Variants in ELF4 observed in about 807,000 individuals in gnomAD.
ELF4 encodes the protein ETS-related transcription factor Elf-4.
Under a neutral mutation model 31.7 loss-of-function variants are expected in ELF4, and 10 were observed. The ratio of observed to expected loss-of-function variants is 0.32; its 90% confidence interval spans 0.19 to 0.54. ELF4 has a LOEUF of 0.54. Among genes scored for constraint, ELF4 ranks in the 20% least tolerant of loss-of-function variants. The pLI is 0.95. For synonymous variants in ELF4, 208 were observed against 226.7 expected (o/e 0.92, Z 0.74); for missense variants, 418 against 522.0 (o/e 0.80, Z 1.94).
chrX:130,074,447 G>T, intron 3 of ELF4, 134 bp downstream of exon 3: 1 of 891,167 alleles, frequency 1.1e-6, no homozygotes, highest in Non-Finnish European at 1.6e-6. Context: ...CCTCCTCTGT[G>T]AAGCAGCACA....
intron 1 of ELF4, among the ~76,000 whole-genome samples, chrX:130,088,433 C>T (rs1444696215): frequency 1.8e-5 from 2 of 110,929 alleles, no homozygotes; most frequent in African/African-American, 3.3e-5. Flanking sequence ...AAGATATTGC[C>T]GGGTGCGGTG....
At chrX:130,067,555 A>T in intron 8 of ELF4, 30 bp from the exon 9 acceptor site, 1 of 1,189,920 alleles carries the variant, frequency 8.4e-7, no homozygotes, top group Non-Finnish European at 1.1e-6. Flanking sequence ...AGAGTTGGTT[A>T]AGGCAGGAAG....
At position 130,066,527 on chromosome X, in the gene ELF4, C is replaced by T; in HGVS notation, c.*194G>A. The T allele has an allele frequency of 2.1e-6, 1 of 476,588 alleles. No individual in the cohort carries two copies. The allele number at this position is 476,588 out of a possible 1,213,427, so 39.3% of individuals were successfully genotyped here. A position where few individuals can be genotyped will look rare whatever the true frequency, so the allele number is the denominator to read the frequency against. ...GCATATGCCCTAGTGCTCTTGAAGG[C>T]CATAGTCTGATGCCAGGGATGCTTA... On this transcript the variant is annotated 3_prime_UTR_variant, in exon 9 of 9. Transcript: ENST00000308167.
chrX:130,104,847 G>C (rs1933347206), intron 1 of ELF4, among the ~76,000 whole-genome samples: 1 of 111,947 alleles, frequency 8.9e-6, no homozygotes, highest in Admixed American at 9.5e-5. Flanking sequence ...ACTGGGCCAA[G>C]AAAATGACCC....
rs148727842 is a variant in ELF4 at position 130,105,975 on chromosome X, G to A, written c.-210+4350C>T. ...GCTGGCCAGCCAGTTTATATCTCCC[G>A]GAGTGGAGACAGGGGTTTGCACTGA... On this transcript the variant is annotated intron_variant, in intron 1 of 8. Transcript: ENST00000308167. Among the ~76,000 whole-genome samples the A allele has an allele frequency of 4.7e-3, 517 of 109,672 alleles. 2 individuals are homozygous for A. The highest frequency in any genetic ancestry group is 0.016 in the African/African-American group (492 of 30,113).
At position 130,092,445 on chromosome X, in the gene ELF4, A is replaced by C. The variant is rs185259326; in HGVS notation, c.-209-10906T>G. Among the ~76,000 whole-genome samples, 200 of 112,767 alleles carry C rather than the reference A, an allele frequency of 1.8e-3. 1 individual carries two copies. Among genetic ancestry groups the C allele is most frequent in the Admixed American group, 0.016 (172 of 10,703 alleles). ...AGCTGTCTACACAAGGGGACGCCCCAGTGGCAGGTCTACCAGACTGCTTTG... is the reference window on the plus strand; with the variant it reads ...AGCTGTCTACACAAGGGGACGCCCCCGTGGCAGGTCTACCAGACTGCTTTG... On this transcript the variant is annotated intron_variant, in intron 1 of 8. Transcript: ENST00000308167.
chrX:130,090,562 T>A (rs963464813), intron 1 of ELF4, among the ~76,000 whole-genome samples: 7 of 110,956 alleles, frequency 6.3e-5, no homozygotes, highest in African/African-American at 9.8e-5. Flanking sequence ...TCCTTCAAGA[T>A]CTGAAGCAAA....
chrX:130,069,721 G>C lies in ELF4; in HGVS notation c.810-44C>G, dbSNP rs776447689. 11 of 1,205,508 alleles carry C rather than the reference G, an allele frequency of 9.1e-6. No homozygotes were observed. In the South Asian group the frequency reaches 1.6e-4, roughly 17 times the overall value. ...GGAGTTGGGAGTTAGCCGGGAGCTG[G>C]GTGGGAGACCTTCTACCTCCATCTC... On this transcript the variant is annotated intron_variant, in intron 7 of 8. Coordinates refer to ENST00000308167, the MANE Select transcript of ELF4 (RefSeq NM_001421.4).
chrX:130,066,746 A>G lies in ELF4; in HGVS notation c.1967T>C (p.Ile656Thr), dbSNP rs375724713. ...TTATATGTCATGGGGCTCCATCTTAATGAGGGAAGTAGGGTTGAATGGGGA... is the reference window on the plus strand; with the variant it reads ...TTATATGTCATGGGGCTCCATCTTAGTGAGGGAAGTAGGGTTGAATGGGGA... ...PFSPFNPTSLIKMEPHDI is the reference protein window; with the variant it reads ...PFSPFNPTSLTKMEPHDI Residue 656 changes from isoleucine (I) to threonine (T), a missense_variant, in exon 9 of 9, where the codon ATT becomes ACT. Around this residue, in one of 4 missense-constraint regions of ELF4, gnomAD observed 260 missense variants for 269.2 expected, o/e 0.97. Coordinates refer to ENST00000308167, the MANE Select transcript of ELF4 (RefSeq NM_001421.4). 9 of 1,208,349 alleles carry G rather than the reference A, an allele frequency of 7.4e-6. No individual in the cohort carries two copies. In the South Asian group the frequency reaches 1.2e-4, roughly 17 times the overall value.
Position 130,069,488 on chromosome X carries a change from C to T in ELF4, c.999G>A (p.Arg333=). 1 of 1,212,339 alleles carries T rather than the reference C, an allele frequency of 8.2e-7. No homozygotes were observed. The change falls in exon 8 of 9, where the codon AGG becomes AGA. Residue 333 remains arginine (R), a synonymous_variant. Transcript: ENST00000308167. ...CCTGGGGGGCAGATCTGGATGAGAC[C>T]CTGGAGCTGGTTCGCCGGGTGGTAC... ...SASTTRRTSS[R]VSSRSAPQGK...
At chrX:130,068,403 T>C (rs1163926615) in intron 8 of ELF4, among the ~76,000 whole-genome samples, 1 of 112,247 alleles carries the variant, frequency 8.9e-6, no homozygotes, top group African/African-American at 3.2e-5. Flanking sequence ...GTATACATAG[T>C]AAGCACTACA....
At chrX:130,095,000 C>G (rs1370189047) in intron 1 of ELF4, among the ~76,000 whole-genome samples, 2 of 111,692 alleles carry the variant, frequency 1.8e-5, no homozygotes, top group African/African-American at 6.5e-5. Flanking sequence ...CCACTGTGGT[C>G]TCAGGCATGG....
intron 1 of ELF4, among the ~76,000 whole-genome samples, chrX:130,108,148 C>T (rs1431526344): frequency 9.1e-6 from 1 of 109,345 alleles, no homozygotes; most frequent in Non-Finnish European, 1.9e-5. Context: ...GCGGAGGTTG[C>T]GGCGAGCCAA....
At chrX:130,069,243 A>T (rs1932754842) in intron 8 of ELF4, 57 bp downstream of exon 8, 1 of 1,197,525 alleles carries the variant, frequency 8.4e-7, no homozygotes, top group Admixed American at 2.3e-5. Flanking sequence ...AAAAAAGAAA[A>T]CTGAACCCCA....
intron 1 of ELF4, among the ~76,000 whole-genome samples, chrX:130,096,153 G>A (rs1043382447): frequency 5.4e-5 from 6 of 111,623 alleles, no homozygotes; most frequent in Non-Finnish European, 9.4e-5. Flanking sequence ...GATTTCTTTT[G>A]GGGGTGATGA....
chrX:130,079,496 G>A (rs1163464245), intron 2 of ELF4, among the ~76,000 whole-genome samples: 2 of 111,396 alleles, frequency 1.8e-5, no homozygotes, highest in Non-Finnish European at 3.8e-5. Context: ...ACAAGAGAGA[G>A]GAAGTGATGG....
At position 130,087,625 on chromosome X, in the gene ELF4, G is replaced by A. The variant is rs750859606; in HGVS notation, c.-209-6086C>T. ...TGGGATTATAGGTGTGTGCCACCAC[G>A]CCCGGCTATTTTTTTTATTTTTAAT... On this transcript the variant is annotated intron_variant, in intron 1 of 8. Transcript: ENST00000308167. Among the ~76,000 whole-genome samples, 297 of 111,361 alleles carry A rather than the reference G, an allele frequency of 2.7e-3. 1 individual carries two copies. The highest frequency in any genetic ancestry group is 3.7e-3 in the Non-Finnish European group (195 of 52,971).
At chrX:130,094,758 A>C (rs1933122430) in intron 1 of ELF4, among the ~76,000 whole-genome samples, 1 of 111,365 alleles carries the variant, frequency 9.0e-6, no homozygotes, top group African/African-American at 3.3e-5. Flanking sequence ...GGAGAACGCC[A>C]AGGAAACCTT....
chrX:130,074,869 T>C, intron 2 of ELF4, 117 bp from the exon 3 acceptor site: 1 of 855,368 alleles, frequency 1.2e-6, no homozygotes, highest in Non-Finnish European at 1.7e-6. Context: ...GGGACTGTCC[T>C]TTGTATAGGA....
Sources: gnomAD v4.1 joint callset for allele counts (sites outside exome capture counted in the v4.1 genomes callset) on GRCh38, gnomAD v4.1.1 for gene constraint, gnomAD v4.1.1 regional missense constraint, MANE v1.5 for transcripts, NCBI Gene and HGNC (gene_info 2026-07-23, HGNC 2026-07-21) for gene names.